PRR16: variants seen among roughly 807,000 people sequenced by gnomAD.
PRR16 encodes proline rich 16.
In PRR16, 6 loss-of-function variants were observed where a neutral mutation model predicts 18.2. The observed-to-expected ratio is 0.33, with a 90% CI of 0.18 to 0.65. The LOEUF (loss-of-function observed/expected upper bound fraction) is 0.65. PRR16 is among the 30% of genes least tolerant of loss of function. The pLI, the probability that PRR16 is intolerant of heterozygous loss-of-function variation, is 0.74. For missense variants in PRR16, 412 were observed against 376.6 expected, an observed-to-expected ratio of 1.09 and a Z score of -0.78; for synonymous variants, 151 against 147.8, an observed-to-expected ratio of 1.02 and a Z score of -0.16.
At chr5:120,674,396 C>G (rs943043239) in intron 1 of PRR16, among the ~76,000 whole-genome samples, 1 of 152,090 alleles carries the variant, frequency 6.6e-6, no homozygotes, top group African/African-American at 2.4e-5. Flanking sequence ...AAGTAAGTGT[C>G]TTTGTCCTTA....
chr5:120,538,907 A>G lies in PRR16; in HGVS notation c.159+74262A>G, dbSNP rs555643929. ...GTGTTGGCTGCTGACTAGCAATTGC[A>G]TCGTGAGTTTGTTCCCTGGAGGAAG... On this transcript the variant is annotated intron_variant, in intron 1 of 1. Transcript: ENST00000407149. Among the ~76,000 whole-genome samples, 147 of 152,292 alleles carry G rather than the reference A, an allele frequency of 9.7e-4. 1 individual carries two copies. In the Middle Eastern group the frequency reaches 0.01, roughly 11 times the overall value.
At chr5:120,715,054 A>G in the PRR16 span, among the ~76,000 whole-genome samples, 6 of 152,018 alleles carry the variant, frequency 3.9e-5, no homozygotes, top group Non-Finnish European at 8.8e-5. Flanking sequence ...ACCATGGCAC[A>G]CGTATATCTA....
chr5:120,734,454 A>C, the PRR16 span, among the ~76,000 whole-genome samples: 1 of 152,180 alleles, frequency 6.6e-6, no homozygotes, highest in Non-Finnish European at 1.5e-5. Context: ...TTGTCATTAC[A>C]TCTAGAACTT....
chr5:120,500,093 C>G (rs1336698176), intron 1 of PRR16, among the ~76,000 whole-genome samples: 4 of 151,698 alleles, frequency 2.6e-5, no homozygotes, highest in Non-Finnish European at 5.9e-5. Context: ...GGGTTAGACT[C>G]TAGCCTACCC....
chr5:120,543,052 A>C (rs563340330), intron 1 of PRR16, among the ~76,000 whole-genome samples: 1 of 152,260 alleles, frequency 6.6e-6, no homozygotes, highest in African/African-American at 2.4e-5. Context: ...CTTTTAAATA[A>C]TTCATCTGAT....
intron 1 of PRR16, among the ~76,000 whole-genome samples, chr5:120,589,472 G>C (rs887070055): frequency 2.0e-5 from 3 of 152,092 alleles, no homozygotes; most frequent in Admixed American, 6.6e-5. Flanking sequence ...CACAGGCTTA[G>C]TATAAGGCTG....
At chr5:120,666,527 G>A (rs1161999341) in intron 1 of PRR16, among the ~76,000 whole-genome samples, 2 of 151,770 alleles carry the variant, frequency 1.3e-5, no homozygotes, top group African/African-American at 4.8e-5. Context: ...GGGCATCCCT[G>A]TCTTGTGCCA....
chr5:120,470,885 C>T (rs1320288982), intron 1 of PRR16, among the ~76,000 whole-genome samples: 1 of 152,076 alleles, frequency 6.6e-6, no homozygotes. Context: ...CAGCATTAAC[C>T]GCCAAGCTCT....
intron 1 of PRR16, among the ~76,000 whole-genome samples, chr5:120,551,009 A>T (rs1014801090): frequency 1.3e-5 from 2 of 152,046 alleles, no homozygotes; most frequent in African/African-American, 4.8e-5. Context: ...GCTAATTAAC[A>T]TATGTATAAC....
At chr5:120,664,950 A>G (rs1756316781) in intron 1 of PRR16, among the ~76,000 whole-genome samples, 1 of 152,154 alleles carries the variant, frequency 6.6e-6, no homozygotes, top group East Asian at 1.9e-4. Flanking sequence ...AGTGTGATTT[A>G]TAGTCCTTTG....
intron 1 of PRR16, among the ~76,000 whole-genome samples, chr5:120,556,320 A>G (rs1343589651): frequency 6.8e-6 from 1 of 147,470 alleles, no homozygotes; most frequent in African/African-American, 2.5e-5. Flanking sequence ...AGGTCTGTAT[A>G]ATCTGTAATT....
chr5:120,787,451 A>T, the PRR16 span, among the ~76,000 whole-genome samples: 1 of 152,154 alleles, frequency 6.6e-6, no homozygotes, highest in Non-Finnish European at 1.5e-5. Flanking sequence ...TTAGAATCTA[A>T]TCAGGAGATA....
chr5:120,486,981 G>T (rs4895257), intron 1 of PRR16, among the ~76,000 whole-genome samples: 29,082 of 151,188 alleles, frequency 0.19, 2,206 homozygotes, highest in African/African-American at 0.26. Flanking sequence ...ATTTCTGAGG[G>T]CTCTGTTCTG....
intron 1 of PRR16, among the ~76,000 whole-genome samples, chr5:120,628,149 T>C (rs1451222459): frequency 6.6e-6 from 1 of 152,092 alleles, no homozygotes; most frequent in East Asian, 1.9e-4. Context: ...AGCCTGCATA[T>C]TTTGTTTTTT....
At chr5:120,527,569 A>G (rs540555270) in intron 1 of PRR16, among the ~76,000 whole-genome samples, 1 of 152,352 alleles carries the variant, frequency 6.6e-6, no homozygotes, top group East Asian at 1.9e-4. Context: ...ATGGAGTGAG[A>G]AGTATAGCTG....
chr5:120,547,470 C>T (rs1377467122), intron 1 of PRR16, among the ~76,000 whole-genome samples: 1 of 152,056 alleles, frequency 6.6e-6, no homozygotes, highest in African/African-American at 2.4e-5. Context: ...AGAAGGTTGG[C>T]TGAGTCTCTC....
intron 1 of PRR16, among the ~76,000 whole-genome samples, chr5:120,488,950 G>A (rs1426430451): frequency 2.0e-5 from 3 of 152,178 alleles, no homozygotes; most frequent in African/African-American, 7.2e-5. Context: ...TTTTGATGTA[G>A]TTGAGTGGTT....
the PRR16 span, among the ~76,000 whole-genome samples, chr5:120,744,851 G>A: frequency 6.6e-6 from 1 of 152,154 alleles, no homozygotes; most frequent in Non-Finnish European, 1.5e-5. Context: ...TCAATGGGGG[G>A]TAAAGTGGGA....
chr5:120,562,641 C>A (rs2112719953), intron 1 of PRR16, among the ~76,000 whole-genome samples: 1 of 152,012 alleles, frequency 6.6e-6, no homozygotes, highest in South Asian at 2.1e-4. Context: ...GTGTGTGTAT[C>A]CATTGCATGT....
Sources: gnomAD v4.1 joint callset for allele counts (sites outside exome capture counted in the v4.1 genomes callset) on GRCh38, gnomAD v4.1.1 for gene constraint, MANE v1.5 for transcripts, NCBI Gene and HGNC (gene_info 2026-07-23, HGNC 2026-07-21) for gene names.